The following OPCML variants were observed in gnomAD, a reference collection of about 807,000 sequenced individuals.
OPCML encodes the protein opioid binding protein/cell adhesion molecule like.
OPCML carries 13 observed loss-of-function variants against 37.8 expected under a neutral mutation model. The ratio of observed to expected loss-of-function variants is 0.34; its 90% CI spans 0.22 to 0.55. The LOEUF is 0.55. Ranked by LOEUF, OPCML falls within the 20% of genes least tolerant of loss-of-function variation. The pLI is 0.91. For synonymous variants in OPCML, 176 were observed against 168.8 expected (o/e 1.04, Z -0.33); for missense variants, 341 against 435.6 (o/e 0.78, Z 1.93).
chr11:132,525,603 T>C (rs1374095992), intron 4 of OPCML, among the ~76,000 whole-genome samples: 1 of 152,216 alleles, frequency 6.6e-6, no homozygotes, highest in Non-Finnish European at 1.5e-5. Flanking sequence ...AACTCCCTAA[T>C]TGCAAGTGAG....
intron 1 of OPCML, chr11:133,117,814 A>T: frequency 7.1e-6 from 7 of 984,834 alleles, no homozygotes; most frequent in Non-Finnish European, 8.4e-6. Flanking sequence ...CTAAGCTCTA[A>T]CTCTGGAATA....
At chr11:132,958,268 C>T (rs56261700) in intron 1 of OPCML, among the ~76,000 whole-genome samples, 4,441 of 152,232 alleles carry the variant, frequency 0.029, 71 homozygotes, top group Non-Finnish European at 0.044. Flanking sequence ...TAATCCAGAG[C>T]GAGGTTGTAA....
At chr11:132,852,477 T>A (rs1214668914) in intron 2 of OPCML, among the ~76,000 whole-genome samples, 3 of 152,128 alleles carry the variant, frequency 2.0e-5, no homozygotes, top group Non-Finnish European at 4.4e-5. Context: ...TTTTTCATTG[T>A]GTTAATATGA....
intron 2 of OPCML, among the ~76,000 whole-genome samples, chr11:132,934,156 C>T (rs915513728): frequency 6.6e-6 from 1 of 152,152 alleles, no homozygotes; most frequent in Non-Finnish European, 1.5e-5. Context: ...TCCAAAAGAT[C>T]CTTTGGGTAA....
At chr11:132,445,617 C>A (rs966458904) in intron 4 of OPCML, among the ~76,000 whole-genome samples, 1 of 152,172 alleles carries the variant, frequency 6.6e-6, no homozygotes, top group African/African-American at 2.4e-5. Flanking sequence ...TAAAAATAGA[C>A]TCTTGTGTTC....
intron 1 of OPCML, among the ~76,000 whole-genome samples, chr11:133,324,231 A>C (rs1232454174): frequency 6.6e-6 from 1 of 152,186 alleles, no homozygotes; most frequent in Non-Finnish European, 1.5e-5. Context: ...GTCTTTTAGA[A>C]TATTTTCTCT....
At chr11:133,189,014 C>A (rs1053550370) in intron 1 of OPCML, among the ~76,000 whole-genome samples, 2 of 152,132 alleles carry the variant, frequency 1.3e-5, no homozygotes, top group Non-Finnish European at 2.9e-5. Context: ...TGGCCCTTGT[C>A]CCCTGCCACT....
intron 1 of OPCML, among the ~76,000 whole-genome samples, chr11:132,977,551 A>G (rs1358912541): frequency 6.6e-6 from 1 of 152,216 alleles, no homozygotes; most frequent in African/African-American, 2.4e-5. Context: ...TCATGTGGCC[A>G]TATTTTTTTC....
chr11:132,517,800 G>T (rs2096283401), intron 4 of OPCML, among the ~76,000 whole-genome samples: 1 of 152,044 alleles, frequency 6.6e-6, no homozygotes, highest in Non-Finnish European at 1.5e-5. Context: ...TTATAATGTA[G>T]AAAGTATTCA....
At chr11:132,998,634 C>T (rs980696297) in intron 1 of OPCML, among the ~76,000 whole-genome samples, 3 of 152,108 alleles carry the variant, frequency 2.0e-5, no homozygotes, top group African/African-American at 7.2e-5. Context: ...TGTTTGTGAC[C>T]CTCCAAATTT....
chr11:133,271,544 G>C (rs1281588484), intron 1 of OPCML, among the ~76,000 whole-genome samples: 1 of 152,184 alleles, frequency 6.6e-6, no homozygotes, highest in African/African-American at 2.4e-5. Context: ...AGCACTTACT[G>C]TGTGTGTGGC....
At chr11:133,441,014 A>G (rs1023496373) in intron 1 of OPCML, among the ~76,000 whole-genome samples, 10 of 151,576 alleles carry the variant, frequency 6.6e-5, no homozygotes, top group African/African-American at 2.4e-4. Context: ...CATCTAAAAG[A>G]ATTTGAGGGT....
chr11:132,955,733 T>G (rs1591844990), intron 1 of OPCML, among the ~76,000 whole-genome samples: 2 of 151,950 alleles, frequency 1.3e-5, no homozygotes, highest in Middle Eastern at 3.4e-3. Flanking sequence ...AATACAAAAA[T>G]TAGCAGGGAA....
intron 1 of OPCML, among the ~76,000 whole-genome samples, chr11:133,259,417 G>A (rs936997113): frequency 8.5e-5 from 13 of 152,204 alleles, no homozygotes; most frequent in East Asian, 7.7e-4. Context: ...GTTAAGATTT[G>A]TACCCCAGCA....
chr11:133,261,614 A>G (rs903409172), intron 1 of OPCML, among the ~76,000 whole-genome samples: 1 of 152,084 alleles, frequency 6.6e-6, no homozygotes, highest in Non-Finnish European at 1.5e-5. Context: ...TGACTCTGGG[A>G]TGGGTGGGCT....
chr11:132,784,566 G>A (rs915719529), intron 2 of OPCML, among the ~76,000 whole-genome samples: 14 of 152,080 alleles, frequency 9.2e-5, no homozygotes, highest in African/African-American at 3.1e-4. Context: ...ACTGATGTGC[G>A]ATATGGTTCG....
intron 4 of OPCML, among the ~76,000 whole-genome samples, chr11:132,517,217 T>C (rs1041662599): frequency 6.6e-6 from 1 of 152,114 alleles, no homozygotes; most frequent in Non-Finnish European, 1.5e-5. Context: ...GAAACCTAAT[T>C]TAAAACAGCT....
At chr11:132,604,532 G>A (rs560502331) in intron 3 of OPCML, among the ~76,000 whole-genome samples, 3 of 152,158 alleles carry the variant, frequency 2.0e-5, no homozygotes, top group South Asian at 4.2e-4. Flanking sequence ...GAACTCTGAG[G>A]CCTTTTCTAA....
At chr11:132,817,430 G>T (rs141541916) in intron 2 of OPCML, among the ~76,000 whole-genome samples, 138 of 152,146 alleles carry the variant, frequency 9.1e-4, no homozygotes, top group Middle Eastern at 3.4e-3. Flanking sequence ...GAAACTGAAG[G>T]ACTTGGGACC....
Sources: gnomAD v4.1 joint callset for allele counts (sites outside exome capture counted in the v4.1 genomes callset) on GRCh38, gnomAD v4.1.1 for gene constraint, MANE v1.5 for transcripts, NCBI Gene and HGNC (gene_info 2026-07-23, HGNC 2026-07-21) for gene names.